HFM1: variants seen among roughly 807,000 people sequenced by gnomAD.
HFM1 encodes the protein helicase for meiosis 1.
A neutral mutation model predicts 192.1 loss-of-function variants in HFM1; 169 were observed. The ratio of observed to expected loss-of-function variants is 0.88; its 90% CI spans 0.78 to 1.00. HFM1 has a LOEUF of 1.00. Ranked by LOEUF, HFM1 falls within the 50% of genes least tolerant of loss-of-function variation. The pLI is 0.00. For synonymous variants in HFM1, 525 were observed against 537.8 expected, an observed-to-expected ratio of 0.98 and a Z score of 0.33; for missense variants, 1,661 against 1,668.0, an observed-to-expected ratio of 1.00 and a Z score of 0.07.
At chr1:91,342,973 A>T (rs1396913822) in intron 20 of HFM1, among the ~76,000 whole-genome samples, 1 of 152,250 alleles carries the variant, frequency 6.6e-6, no homozygotes, top group South Asian at 2.1e-4. Context: ...CAAGCCTGTA[A>T]TCCCAGCACT....
At chr1:91,404,943 A>G (rs200690723), upstream of HFM1, 136 of 449,666 alleles carry the variant, frequency 3.0e-4, 1 homozygote, top group East Asian at 7.9e-3. Context: ...CCGAAAGTTT[A>G]TAACTGGTTT....
At chr1:91,390,309 G>A (rs940334377) in intron 4 of HFM1, among the ~76,000 whole-genome samples, 6 of 151,958 alleles carry the variant, frequency 3.9e-5, no homozygotes, top group South Asian at 2.1e-4. Flanking sequence ...GGTGGCGCAC[G>A]CCTGTAGTTC....
At chr1:91,273,021 A>G (rs1666462470) in intron 34 of HFM1, among the ~76,000 whole-genome samples, 1 of 152,120 alleles carries the variant, frequency 6.6e-6, no homozygotes, top group South Asian at 2.1e-4. Flanking sequence ...CAGACTGGCT[A>G]TTAATAGCAT....
At chr1:91,334,206 G>A (rs1380107603) in intron 20 of HFM1, among the ~76,000 whole-genome samples, 4 of 152,120 alleles carry the variant, frequency 2.6e-5, no homozygotes, top group African/African-American at 4.8e-5. Flanking sequence ...GATTAGAATC[G>A]CTGCTCCTCC....
chr1:91,289,026 G>C (rs1668371545), intron 30 of HFM1, among the ~76,000 whole-genome samples: 1 of 151,294 alleles, frequency 6.6e-6, no homozygotes, highest in Admixed American at 6.6e-5. Context: ...TCCCGGATGG[G>C]GCAGCTGGCC....
At chr1:91,350,714 C>T in intron 18 of HFM1, 24 bp downstream of exon 18, 1 of 1,605,196 alleles carries the variant, frequency 6.2e-7, no homozygotes. Flanking sequence ...AAAATTACTA[C>T]TTTTCCAAGT....
At chr1:91,290,427 A>G (rs1025112248) in intron 30 of HFM1, among the ~76,000 whole-genome samples, 1 of 152,206 alleles carries the variant, frequency 6.6e-6, no homozygotes, top group Non-Finnish European at 1.5e-5. Flanking sequence ...CAGACTTTAA[A>G]CCAACAAAGA....
chr1:91,401,097 C>A lies in HFM1; in HGVS notation c.-15G>T. 6.8e-7 allele frequency: 1 copy of A among 1,471,988 alleles called. No homozygotes were observed. Among genetic ancestry groups the A allele is most frequent in the South Asian group, 1.3e-5 (1 of 78,764 alleles). The allele number at this position is 1,471,988 out of a possible 1,614,324, so 91.2% of individuals were successfully genotyped here. A position where few individuals can be genotyped will look rare whatever the true frequency, so the allele number is the denominator to read the frequency against. ...GATTTCAGCATTGTTGAAAACTGGA[C>A]TTTGTCATAAATCTACAAAATATGG... On this transcript the variant is annotated 5_prime_UTR_variant, in exon 2 of 39. Coordinates refer to ENST00000370425, the MANE Select transcript of HFM1 (RefSeq NM_001017975.6).
chr1:91,359,371 G>T (rs940815660), intron 13 of HFM1, among the ~76,000 whole-genome samples: 2 of 152,142 alleles, frequency 1.3e-5, no homozygotes, highest in East Asian at 1.9e-4. Flanking sequence ...AAACAGTACA[G>T]GAGCTGATAG....
chr1:91,384,040 T>C (rs1661883864), intron 6 of HFM1, among the ~76,000 whole-genome samples: 2 of 152,206 alleles, frequency 1.3e-5, no homozygotes, highest in East Asian at 1.9e-4. Flanking sequence ...CATTATATGA[T>C]ATGATTCTAA....
intron 13 of HFM1, among the ~76,000 whole-genome samples, chr1:91,371,261 C>G (rs1029151301): frequency 6.7e-6 from 1 of 150,274 alleles, no homozygotes; most frequent in Non-Finnish European, 1.5e-5. Flanking sequence ...CACATGGAAC[C>G]GAAAAAGAGC....
chr1:91,320,196 A>G (rs1651880190), intron 23 of HFM1, among the ~76,000 whole-genome samples: 1 of 152,216 alleles, frequency 6.6e-6, no homozygotes, highest in Non-Finnish European at 1.5e-5. Flanking sequence ...GTCTCTCAAT[A>G]AGACCGAAAC....
intron 30 of HFM1, among the ~76,000 whole-genome samples, chr1:91,304,017 G>C (rs1367613017): frequency 6.6e-6 from 1 of 151,950 alleles, no homozygotes; most frequent in Non-Finnish European, 1.5e-5. Context: ...AACACGCCTG[G>C]CTAATTTTTG....
Position 91,380,236 on chromosome 1 carries a change from G to A in HFM1, c.874C>T (p.Leu292Phe). The part of the protein sequence containing the change: ...NYIQSKAFDD[L>F]LYTDRNFVIC... Reference sequence around the variant, plus strand: ...ACAAAATTCCTATCTGTGTAAAGAAGCTAAAAAATAAAAAGTAATCAATCA... The same window carrying A: ...ACAAAATTCCTATCTGTGTAAAGAAACTAAAAAATAAAAAGTAATCAATCA... The change falls in exon 8 of 39, where the codon CTT becomes TTT. Residue 292 changes from leucine to phenylalanine, a missense_variant and splice_region_variant. Coordinates refer to ENST00000370425, the MANE Select transcript of HFM1 (RefSeq NM_001017975.6). 6.6e-7 allele frequency: 1 copy of A among 1,518,412 alleles called. No homozygotes were observed. Among genetic ancestry groups the A allele is most frequent in the South Asian group, 1.3e-5 (1 of 77,170 alleles). 94.1% of individuals were successfully genotyped at this position (1,518,412 alleles called of 1,614,324 possible).
intron 30 of HFM1, among the ~76,000 whole-genome samples, chr1:91,288,907 G>A: frequency 6.6e-6 from 1 of 152,054 alleles, no homozygotes; most frequent in Non-Finnish European, 1.5e-5. Context: ...TCCCAGACGG[G>A]GTGGCGGCCG....
upstream of HFM1, among the ~76,000 whole-genome samples, chr1:91,405,534 G>A (rs1171579240): frequency 6.6e-5 from 10 of 152,128 alleles, no homozygotes. Flanking sequence ...ACTGCTGTCT[G>A]ACTGCCCTAT....
At chr1:91,394,566 G>A (rs1292742589) in intron 3 of HFM1, among the ~76,000 whole-genome samples, 164 bp from the exon 4 acceptor site, 1 of 152,032 alleles carries the variant, frequency 6.6e-6, no homozygotes, top group South Asian at 2.1e-4. Flanking sequence ...TTAAAATATA[G>A]GTGATTGTTA....
At chr1:91,284,331 C>G (rs1470359566) in intron 30 of HFM1, among the ~76,000 whole-genome samples, 1 of 151,890 alleles carries the variant, frequency 6.6e-6, no homozygotes, top group Non-Finnish European at 1.5e-5. Context: ...GCAACCTCCG[C>G]CCAAGGCTCA....
chr1:91,382,256 G>GCAGT (rs941237677), intron 6 of HFM1, among the ~76,000 whole-genome samples: 1 of 151,996 alleles, frequency 6.6e-6, no homozygotes, highest in Non-Finnish European at 1.5e-5. Flanking sequence ...ACAAATCCCA[G>GCAGT]CAGTCCCAAT....
Sources: gnomAD v4.1 joint callset for allele counts (sites outside exome capture counted in the v4.1 genomes callset) on GRCh38, gnomAD v4.1.1 for gene constraint, MANE v1.5 for transcripts, NCBI Gene and HGNC (gene_info 2026-07-23, HGNC 2026-07-21) for gene names.